Variants in C1QTNF3 observed in about 807,000 individuals in gnomAD.
C1QTNF3 encodes complement C1q tumor necrosis factor-related protein 3.
A neutral mutation model predicts 32.6 loss-of-function variants in C1QTNF3; 26 were observed. The ratio of observed to expected loss-of-function variants is 0.80; its 90% CI spans 0.58 to 1.11. The LOEUF (loss-of-function observed/expected upper bound fraction) is 1.11. Ranked by LOEUF, C1QTNF3 falls within the 50% of genes least tolerant of loss-of-function variation. C1QTNF3 has a pLI of 0.00. For missense variants in C1QTNF3, 362 were observed against 398.2 expected, an observed-to-expected ratio of 0.91 and a Z score of 0.77; for synonymous variants, 155 against 146.0, an observed-to-expected ratio of 1.06 and a Z score of -0.44.
chr5:34,211,518 T>A, the C1QTNF3 span, among the ~76,000 whole-genome samples: 1 of 150,102 alleles, frequency 6.7e-6, no homozygotes, highest in Admixed American at 6.6e-5. Context: ...ATTAGGTATA[T>A]CTCCCAATGC....
the C1QTNF3 span, among the ~76,000 whole-genome samples, chr5:34,216,636 C>T: frequency 2.6e-5 from 4 of 152,056 alleles, no homozygotes; most frequent in South Asian, 2.1e-4. Context: ...AGAGGAGGTC[C>T]GTCTTGTTCA....
the C1QTNF3 span, among the ~76,000 whole-genome samples, chr5:34,238,657 C>T: frequency 7.8e-3 from 1,191 of 151,816 alleles, 19 homozygotes; most frequent in African/African-American, 0.027. Context: ...ACCAAATCTA[C>T]GACTCATTGT....
rs1377804800 is a variant in C1QTNF3 at position 34,020,254 on chromosome 5, A to G, written c.*329T>C. The G allele has an allele frequency of 4.7e-6, 1 of 211,524 alleles. No homozygotes were observed. Among genetic ancestry groups the G allele is most frequent in the East Asian group, 1.1e-4 (1 of 9,088 alleles). The allele number at this position is 211,524 out of a possible 1,614,324, so 13.1% of individuals were successfully genotyped here. ...ACTGGTATTAAATTAAAAGCAGAGT[A>G]GTCAAAATTCTTTGCAAATGACTTC... is the stretch of plus-strand genomic sequence containing the variant. On this transcript the variant is annotated 3_prime_UTR_variant, in exon 6 of 6. Coordinates refer to ENST00000382065, the MANE Select transcript of C1QTNF3 (RefSeq NM_181435.6).
At chr5:34,142,630 C>T in the C1QTNF3 span, among the ~76,000 whole-genome samples, 2 of 152,068 alleles carry the variant, frequency 1.3e-5, no homozygotes, top group African/African-American at 4.8e-5. Context: ...ATTACTCTTA[C>T]GTGTCATTTA....
chr5:34,058,371 G>A, the C1QTNF3 span, among the ~76,000 whole-genome samples: 1 of 152,180 alleles, frequency 6.6e-6, no homozygotes. Context: ...TGTGGGAGAA[G>A]AGAAAGGGAA....
At chr5:34,159,845 C>T in the C1QTNF3 span, among the ~76,000 whole-genome samples, 1 of 147,404 alleles carries the variant, frequency 6.8e-6, no homozygotes, top group African/African-American at 2.5e-5. Flanking sequence ...AAAAAAAAAA[C>T]CGGAAGTATA....
the C1QTNF3 span, among the ~76,000 whole-genome samples, chr5:34,127,355 TGGACAATAAAGTCCCGGCTGAGGTA>T: frequency 1.3e-5 from 2 of 152,068 alleles, no homozygotes; most frequent in Non-Finnish European, 2.9e-5. Flanking sequence ...GATAGTGATA[TGGACAATAAAGTCCCGGCTGAGGTA>T]GTCTCAGATA....
At chr5:34,052,188 T>G in the C1QTNF3 span, among the ~76,000 whole-genome samples, 1 of 152,206 alleles carries the variant, frequency 6.6e-6, no homozygotes, top group Non-Finnish European at 1.5e-5. Flanking sequence ...GTTAAGCCAC[T>G]GTGCTTTCAG....
chr5:34,145,000 G>A, the C1QTNF3 span, among the ~76,000 whole-genome samples: 4 of 151,954 alleles, frequency 2.6e-5, no homozygotes, highest in African/African-American at 9.7e-5. Flanking sequence ...GTGGTGGTGC[G>A]TGCCTGTAAT....
chr5:34,044,926 G>T (rs1241057620), upstream of C1QTNF3, among the ~76,000 whole-genome samples: 2 of 152,184 alleles, frequency 1.3e-5, no homozygotes, highest in Non-Finnish European at 2.9e-5. Context: ...TAGTAACTGA[G>T]GATTTTCTTC....
the C1QTNF3 span, among the ~76,000 whole-genome samples, chr5:34,123,400 T>G: frequency 6.6e-6 from 1 of 152,086 alleles, no homozygotes; most frequent in Admixed American, 6.6e-5. Context: ...ATATAAATAA[T>G]ATCAGATTTT....
At chr5:34,051,723 A>G in the C1QTNF3 span, among the ~76,000 whole-genome samples, 73 of 152,358 alleles carry the variant, frequency 4.8e-4, no homozygotes, top group African/African-American at 1.7e-3. Context: ...GATTTCTCAC[A>G]ACAGAAACAA....
the C1QTNF3 span, among the ~76,000 whole-genome samples, chr5:34,243,087 C>CCAT: frequency 6.6e-6 from 1 of 151,712 alleles, no homozygotes; most frequent in Non-Finnish European, 1.5e-5. Flanking sequence ...ACACGTTTAT[C>CCAT]TATGTAACAA....
chr5:34,025,119 G>T (rs1290916345), intron 4 of C1QTNF3, among the ~76,000 whole-genome samples: 2 of 152,202 alleles, frequency 1.3e-5, no homozygotes, highest in African/African-American at 4.8e-5. Context: ...TGGGAACAAA[G>T]GAAATGGCCT....
the C1QTNF3 span, among the ~76,000 whole-genome samples, chr5:34,095,000 T>C: frequency 6.6e-6 from 1 of 151,684 alleles, no homozygotes; most frequent in African/African-American, 2.4e-5. Context: ...TGAAATTTTG[T>C]CACATGTATA....
the C1QTNF3 span, among the ~76,000 whole-genome samples, chr5:34,072,373 G>A: frequency 1.6e-5 from 2 of 121,328 alleles, no homozygotes; most frequent in African/African-American, 6.8e-5. Context: ...AAAAGAAAGA[G>A]AAAGAAAGAA....
intron 1 of C1QTNF3, among the ~76,000 whole-genome samples, chr5:34,040,991 A>G (rs904314799): frequency 3.3e-5 from 5 of 152,144 alleles, no homozygotes; most frequent in African/African-American, 1.2e-4. Flanking sequence ...TATCTCTACT[A>G]CAGCCCTTCA....
At chr5:34,070,080 T>A in the C1QTNF3 span, among the ~76,000 whole-genome samples, 100 of 152,326 alleles carry the variant, frequency 6.6e-4, 1 homozygote, top group African/African-American at 2.2e-3. Context: ...CCAAAATGTA[T>A]GATCTCCTGT....
the C1QTNF3 span, among the ~76,000 whole-genome samples, chr5:34,182,398 G>A: frequency 6.6e-6 from 1 of 152,372 alleles, no homozygotes; most frequent in East Asian, 1.9e-4. Flanking sequence ...CAAGGGAGGA[G>A]GATTGCAGCT....
Sources: allele counts gnomAD v4.1 joint callset (sites outside exome capture counted in the v4.1 genomes callset), GRCh38; gene constraint gnomAD v4.1.1; transcripts MANE v1.5; gene names NCBI Gene and HGNC (gene_info 2026-07-23, HGNC 2026-07-21).